The following ZNF609 variants were observed in gnomAD, a reference collection of about 807,000 sequenced individuals.
ZNF609 encodes zinc finger protein 609.
In ZNF609, 11 loss-of-function variants were observed where a neutral mutation model predicts 109.5. The observed-to-expected ratio is 0.10, with a 90% confidence interval of 0.06 to 0.17. The LOEUF is 0.17. Among genes scored for constraint, ZNF609 ranks in the 10% least tolerant of loss-of-function variants. The pLI is 1.00. For missense variants in ZNF609, 1,559 were observed against 1,772.4 expected, an observed-to-expected ratio of 0.88 and a Z score of 2.16; for synonymous variants, 646 against 662.0, an observed-to-expected ratio of 0.98 and a Z score of 0.37.
intron 2 of ZNF609, among the ~76,000 whole-genome samples, chr15:64,609,143 T>TCTTTTTTTCTTTC (rs751951696): frequency 4.1e-5 from 6 of 146,340 alleles, no homozygotes; most frequent in African/African-American, 1.5e-4. Flanking sequence ...TTTCTTTCTT[T>TCTTTTTTTCTTTC]TTTTTCTCTC....
chr15:64,573,771 T>C (rs971135776), intron 2 of ZNF609, among the ~76,000 whole-genome samples: 2 of 152,150 alleles, frequency 1.3e-5, no homozygotes, highest in Non-Finnish European at 1.5e-5. Flanking sequence ...TTTACCATGT[T>C]CTTTCAAACT....
rs551415763 is a variant in ZNF609, at chr15:64,649,775, GA to G, written c.974-20570del. On this transcript the variant is annotated intron_variant, in intron 3 of 9. Coordinates refer to ENST00000326648, the MANE Select transcript of ZNF609 (RefSeq NM_015042.2). ...ATGAAGTGGCACAACATTCAAAAGA[GA>G]TTAAAAGGATAGGCAGTAAAAAGTA... Among the ~76,000 whole-genome samples, 15 of 152,270 alleles carry G rather than the reference GA, an allele frequency of 9.9e-5. No homozygotes were observed. The East Asian group carries it at 2.5e-3, about 25-fold the overall frequency.
chr15:64,565,779 A>G (rs1770520136), intron 2 of ZNF609, among the ~76,000 whole-genome samples: 1 of 152,234 alleles, frequency 6.6e-6, no homozygotes, highest in Non-Finnish European at 1.5e-5. Context: ...GAGGACAGTG[A>G]GTACTTACTT....
chr15:64,486,526 A>G (rs79751173), intron 1 of ZNF609, among the ~76,000 whole-genome samples: 2 of 9,158 alleles, frequency 2.2e-4, no homozygotes, highest in Non-Finnish European at 4.5e-3. Flanking sequence ...TCTGTCTCCA[A>G]AAAAAAAAAA....
intron 2 of ZNF609, among the ~76,000 whole-genome samples, chr15:64,551,677 A>G (rs1289385912): frequency 2.0e-5 from 3 of 147,856 alleles, no homozygotes; most frequent in African/African-American, 7.4e-5. Context: ...AAGAGAGAAA[A>G]GTAGATGTCT....
chr15:64,564,302 A>AG (rs1366090858), intron 2 of ZNF609, among the ~76,000 whole-genome samples: 1 of 152,072 alleles, frequency 6.6e-6, no homozygotes, highest in Non-Finnish European at 1.5e-5. Context: ...GGTTAAGGGT[A>AG]GGGGGGACTA....
At chr15:64,609,116 C>CT (rs1452675521) in intron 2 of ZNF609, among the ~76,000 whole-genome samples, 5 of 30,136 alleles carry the variant, frequency 1.7e-4, no homozygotes, top group African/African-American at 2.4e-4. Context: ...TTCTTTCTTT[C>CT]TTTCTTTCTT....
At chr15:64,491,222 C>T (rs1369625742) in intron 1 of ZNF609, among the ~76,000 whole-genome samples, 2 of 152,156 alleles carry the variant, frequency 1.3e-5, no homozygotes, top group African/African-American at 4.8e-5. Context: ...TAGCAAGCTC[C>T]CATGAAGTGT....
At chr15:64,481,205 A>T (rs1596378587) in intron 1 of ZNF609, among the ~76,000 whole-genome samples, 1 of 152,208 alleles carries the variant, frequency 6.6e-6, no homozygotes, top group Non-Finnish European at 1.5e-5. Context: ...AAAAATCATC[A>T]TATTTGAAAT....
intron 2 of ZNF609, among the ~76,000 whole-genome samples, chr15:64,615,116 CTGTTTTGTTTTGTTT>C (rs768182504): frequency 2.0e-4 from 29 of 148,276 alleles, no homozygotes; most frequent in Admixed American, 4.7e-4. Context: ...CAGGCCTGGC[CTGTTTTGTTTTGTTT>C]TGTTTTGTTT....
chr15:64,471,879 G>A (rs1056206727), intron 1 of ZNF609, among the ~76,000 whole-genome samples: 5 of 151,658 alleles, frequency 3.3e-5, no homozygotes, highest in Non-Finnish European at 5.9e-5. Context: ...CACCATACCC[G>A]GCCAATATAA....
rs577115834 is a variant in ZNF609 at position 64,495,266 on chromosome 15, A to G, written c.-127-4027A>G. Among the ~76,000 whole-genome samples, 12 of 152,318 alleles carry G rather than the reference A, an allele frequency of 7.9e-5. No individual in the cohort carries two copies. In the South Asian group the frequency reaches 2.5e-3, roughly 32 times the overall value. On this transcript the variant is annotated intron_variant, in intron 1 of 9. Coordinates refer to ENST00000326648, the MANE Select transcript of ZNF609 (RefSeq NM_015042.2). Reference sequence around the variant, plus strand: ...ACTGGTTTTCCCTCACATATTATTCAGGGATAATTGTTAATATCTGAATTG... The same window carrying G: ...ACTGGTTTTCCCTCACATATTATTCGGGGATAATTGTTAATATCTGAATTG...
At chr15:64,581,752 A>G (rs115289498) in intron 2 of ZNF609, among the ~76,000 whole-genome samples, 1,974 of 152,264 alleles carry the variant, frequency 0.013, 32 homozygotes, top group African/African-American at 0.046. Context: ...ACAAAGCTCA[A>G]TGTTTCTTAC....
At chr15:64,474,201 C>G (rs1893133758) in intron 1 of ZNF609, among the ~76,000 whole-genome samples, 1 of 151,772 alleles carries the variant, frequency 6.6e-6, no homozygotes, top group Non-Finnish European at 1.5e-5. Context: ...AGCCACCACA[C>G]CTGGCCTAGC....
chr15:64,527,211 A>G (rs1390097241), intron 2 of ZNF609, among the ~76,000 whole-genome samples: 3 of 148,506 alleles, frequency 2.0e-5, no homozygotes, highest in Admixed American at 6.8e-5. Flanking sequence ...TTTATTGATC[A>G]TCTAGTTTGC....
intron 3 of ZNF609, among the ~76,000 whole-genome samples, chr15:64,650,228 AC>A (rs1896394943): frequency 6.7e-6 from 1 of 149,678 alleles, no homozygotes; most frequent in Non-Finnish European, 1.5e-5. Context: ...ACACAGTGAA[AC>A]CCCCTGTCTC....
At chr15:64,539,910 T>C (rs1249970082) in intron 2 of ZNF609, among the ~76,000 whole-genome samples, 3 of 152,226 alleles carry the variant, frequency 2.0e-5, no homozygotes, top group African/African-American at 4.8e-5. Context: ...GTGCTGGGAT[T>C]ACGGGCCTGA....
intron 2 of ZNF609, among the ~76,000 whole-genome samples, chr15:64,600,723 G>A (rs1157184187): frequency 1.3e-5 from 2 of 149,276 alleles, no homozygotes; most frequent in African/African-American, 4.9e-5. Context: ...GGAAGGGAAA[G>A]AAAGAAAAAA....
chr15:64,578,730 G>A (rs1235867830), intron 2 of ZNF609, among the ~76,000 whole-genome samples: 2 of 152,122 alleles, frequency 1.3e-5, no homozygotes, highest in Non-Finnish European at 2.9e-5. Context: ...CAGACATGGT[G>A]GCTCAGGCCT....
Sources: gnomAD v4.1 joint callset for allele counts (sites outside exome capture counted in the v4.1 genomes callset) on GRCh38, gnomAD v4.1.1 for gene constraint, MANE v1.5 for transcripts, NCBI Gene and HGNC (gene_info 2026-07-23, HGNC 2026-07-21) for gene names.